The following TSPEAR variants were observed in gnomAD, a reference collection of about 807,000 sequenced individuals.
TSPEAR encodes the protein thrombospondin type laminin G domain and EAR repeats.
Under a neutral mutation model 71.6 loss-of-function variants are expected in TSPEAR, and 69 were observed. The observed-to-expected ratio is 0.96, with a 90% CI of 0.79 to 1.18. The LOEUF is 1.18. TSPEAR is among the 50% of genes most tolerant of loss of function. TSPEAR has a pLI of 0.00. For synonymous variants in TSPEAR, 402 were observed against 387.2 expected (o/e 1.04, Z -0.45); for missense variants, 971 against 894.9 (o/e 1.09, Z -1.09).
intron 1 of TSPEAR, among the ~76,000 whole-genome samples, chr21:44,668,477 C>G (rs1569249513): frequency 1.3e-5 from 2 of 152,204 alleles, no homozygotes; most frequent in Non-Finnish European, 2.9e-5. Context: ...CCAAAGCAAT[C>G]TACAGATTCA....
intron 1 of TSPEAR, among the ~76,000 whole-genome samples, chr21:44,703,567 G>A (rs1425490435): frequency 6.6e-6 from 1 of 152,186 alleles, no homozygotes; most frequent in Non-Finnish European, 1.5e-5. Flanking sequence ...GCTGGGGTGG[G>A]GCCTCCCTCT....
At chr21:44,670,435 T>G (rs977335762) in intron 1 of TSPEAR, among the ~76,000 whole-genome samples, 4 of 145,602 alleles carry the variant, frequency 2.7e-5, no homozygotes, top group African/African-American at 9.9e-5. Context: ...AAGAAGCAAC[T>G]GGAATTCAGC....
intron 1 of TSPEAR, chr21:44,647,323 A>C (rs782757565): frequency 3.7e-6 from 6 of 1,613,710 alleles, no homozygotes; most frequent in Non-Finnish European, 4.2e-6. Flanking sequence ...GGCCTGCTAC[A>C]GCCTCTGCTC....
At chr21:44,530,035 A>T (rs587756375) in intron 4 of TSPEAR, 81 bp from the exon 5 acceptor site, 1 of 1,415,202 alleles carries the variant, frequency 7.1e-7, no homozygotes, top group South Asian at 1.5e-5. Context: ...AGCTTGGCCC[A>T]TCCAGAGCCC....
intron 11 of TSPEAR, 67 bp from the exon 12 acceptor site, chr21:44,500,003 C>A: frequency 6.7e-7 from 1 of 1,490,542 alleles, no homozygotes; most frequent in Non-Finnish European, 8.9e-7. Flanking sequence ...CCCCCGGCTC[C>A]CACCCGCGCT....
rs782238327 is a variant in TSPEAR, at chr21:44,612,126, C to G, written c.83-44121G>C. 1 of 1,614,064 alleles carries G rather than the reference C, an allele frequency of 6.2e-7. No homozygotes were observed. On this transcript the variant is annotated intron_variant, in intron 1 of 11. Transcript: ENST00000323084. This position sits in a 1 kb window ranked among gnomAD's most constrained non-coding sequence, Gnocchi z 4.1. ...ATGGCTGACGCCTGCTGCACCAGGA[C>G]GTATGTGATTGCTGCATCCACCATG...
intron 1 of TSPEAR, among the ~76,000 whole-genome samples, chr21:44,659,897 A>T (rs1985396655): frequency 6.6e-6 from 1 of 152,286 alleles, no homozygotes; most frequent in Non-Finnish European, 1.5e-5. Context: ...CATTAAAAAC[A>T]TAAATGAACA....
chr21:44,502,146 C>T (rs1345137631), intron 11 of TSPEAR, among the ~76,000 whole-genome samples: 1 of 152,122 alleles, frequency 6.6e-6, no homozygotes, highest in Non-Finnish European at 1.5e-5. Context: ...CATAGTGGAC[C>T]GCACCACGCA....
At chr21:44,522,800 A>G (rs1412464929) in intron 8 of TSPEAR, among the ~76,000 whole-genome samples, 4 of 152,178 alleles carry the variant, frequency 2.6e-5, no homozygotes, top group Admixed American at 6.5e-5. Context: ...TCCAGATCCC[A>G]TGTCCTCGGC....
chr21:44,557,937 C>T, intron 2 of TSPEAR: 1 of 1,239,230 alleles, frequency 8.1e-7, no homozygotes, highest in Admixed American at 2.6e-5. Context: ...GCATTGCTGG[C>T]TGGAGGTGCA....
chr21:44,648,773 G>A (rs1400814526), intron 1 of TSPEAR, among the ~76,000 whole-genome samples: 2 of 152,186 alleles, frequency 1.3e-5, no homozygotes, highest in South Asian at 2.1e-4. Flanking sequence ...AGCCATGGCC[G>A]AGCACAGCTT....
chr21:44,505,720 G>A (rs970774560), intron 10 of TSPEAR, among the ~76,000 whole-genome samples: 4 of 151,724 alleles, frequency 2.6e-5, no homozygotes, highest in South Asian at 2.1e-4. Context: ...AGGTTCATCC[G>A]TGTCGCACTG....
intron 1 of TSPEAR, among the ~76,000 whole-genome samples, chr21:44,606,295 G>A (rs1392909718): frequency 6.6e-6 from 1 of 152,056 alleles, no homozygotes; most frequent in Non-Finnish European, 1.5e-5. Context: ...TAGTCATCAG[G>A]AAAATGCACA....
At position 44,613,435 on chromosome 21, in the gene TSPEAR, G is replaced by A. The variant is rs1484907074; in HGVS notation, c.83-45430C>T. On this transcript the variant is annotated intron_variant, in intron 1 of 11. Transcript: ENST00000323084. ...CCTGAGCCTGGTCATTCGCTGTAGT[G>A]CCCTGGGCTGTGGGGCTCTCCAGGC... 2.0e-5 allele frequency among the ~76,000 whole-genome samples: 3 copies of A among 152,286 alleles called. No homozygotes were observed. In the East Asian group the frequency reaches 5.8e-4, roughly 29 times the overall value.
intron 1 of TSPEAR, among the ~76,000 whole-genome samples, chr21:44,591,018 G>A (rs1979768160): frequency 6.6e-6 from 1 of 152,138 alleles, no homozygotes; most frequent in African/African-American, 2.4e-5. Flanking sequence ...CAGGCCTGCT[G>A]GGGGTCAGGA....
At chr21:44,574,631 T>A (rs1390801944) in intron 1 of TSPEAR, 34 of 1,291,938 alleles carry the variant, frequency 2.6e-5, no homozygotes, top group Non-Finnish European at 3.3e-5. Context: ...CCATCTGCTC[T>A]GGGGCTTCCT....
At chr21:44,551,016 G>A (rs2146031238) in intron 2 of TSPEAR, 1 of 1,610,464 alleles carries the variant, frequency 6.2e-7, no homozygotes, top group Non-Finnish European at 8.5e-7. Context: ...GCAGCACACA[G>A]CTTTGCAGCA....
chr21:44,697,297 C>T (rs1987396530), intron 1 of TSPEAR: 6 of 1,613,654 alleles, frequency 3.7e-6, no homozygotes, highest in Non-Finnish European at 4.2e-6. Flanking sequence ...TGGACGACTG[C>T]CCAGAGAGCT....
At chr21:44,533,346 C>A (rs1450880865) in intron 3 of TSPEAR, among the ~76,000 whole-genome samples, 1 of 152,236 alleles carries the variant, frequency 6.6e-6, no homozygotes, top group African/African-American at 2.4e-5. Flanking sequence ...CTGACCTGAC[C>A]TCCCATGGTC....
Sources: allele counts gnomAD v4.1 joint callset (sites outside exome capture counted in the v4.1 genomes callset), GRCh38; gene constraint gnomAD v4.1.1; non-coding constraint Gnocchi (gnomAD v3.1); transcripts MANE v1.5; gene names NCBI Gene and HGNC (gene_info 2026-07-23, HGNC 2026-07-21).